The following LDHC variants were observed in gnomAD, a reference collection of about 807,000 sequenced individuals.
LDHC encodes lactate dehydrogenase C.
A neutral mutation model predicts 30.2 loss-of-function variants in LDHC; 20 were observed. The ratio of observed to expected loss-of-function variants is 0.66; its 90% confidence interval spans 0.47 to 0.96. The LOEUF is 0.96. Among genes scored for constraint, LDHC ranks in the 40% least tolerant of loss-of-function variants. LDHC has a pLI of 0.00. For synonymous variants in LDHC, 139 were observed against 132.7 expected (o/e 1.05, Z -0.32); for missense variants, 362 against 394.9 (o/e 0.92, Z 0.71).
At chr11:18,448,048 CAAA>C (rs1218910663) in intron 7 of LDHC, among the ~76,000 whole-genome samples, 14,470 of 76,262 alleles carry the variant, frequency 0.19, 614 homozygotes, top group Middle Eastern at 0.3. Context: ...GACTCTGTCT[CAAA>C]AAAAAAAAAA....
At chr11:18,430,757 T>C (rs564248891) in intron 4 of LDHC, among the ~76,000 whole-genome samples, 59 of 152,342 alleles carry the variant, frequency 3.9e-4, no homozygotes, top group Non-Finnish European at 8.1e-4. Context: ...GAAACTAACA[T>C]CATAATTTGT....
At chr11:18,420,747 A>G (rs1482603836) in intron 3 of LDHC, among the ~76,000 whole-genome samples, 3 of 151,754 alleles carry the variant, frequency 2.0e-5, no homozygotes, top group East Asian at 3.9e-4. Flanking sequence ...AAAAGTATAT[A>G]TATCAGGCAA....
At chr11:18,447,394 C>T (rs898501179) in intron 7 of LDHC, among the ~76,000 whole-genome samples, 1 of 152,122 alleles carries the variant, frequency 6.6e-6, no homozygotes, top group African/African-American at 2.4e-5. Flanking sequence ...CTCAGCCTCC[C>T]AAATTGCTGG....
intron 6 of LDHC, among the ~76,000 whole-genome samples, chr11:18,444,701 G>A (rs984662972): frequency 3.5e-5 from 5 of 144,874 alleles, no homozygotes; most frequent in African/African-American, 1.2e-4. Context: ...GCTTTAAAAC[G>A]GGGTAGTTGT....
chr11:18,413,043 ACTT>A (rs757537102), intron 2 of LDHC, among the ~76,000 whole-genome samples, 200 bp downstream of exon 2: 24 of 123,072 alleles, frequency 2.0e-4, no homozygotes, highest in Admixed American at 8.8e-4. Flanking sequence ...TTTTTTTTAA[ACTT>A]CTTCTTTCTT....
chr11:18,450,578 G>C (rs988239708), intron 7 of LDHC: 1 of 166,342 alleles, frequency 6.0e-6, no homozygotes, highest in Admixed American at 6.5e-5. Flanking sequence ...GTCACCTCCT[G>C]CTTCACTGTT....
intron 4 of LDHC, among the ~76,000 whole-genome samples, chr11:18,430,266 A>G (rs2134058849): frequency 6.6e-6 from 1 of 152,152 alleles, no homozygotes; most frequent in African/African-American, 2.4e-5. Context: ...CATATTAGTG[A>G]GTGTATCATA....
intron 2 of LDHC, among the ~76,000 whole-genome samples, chr11:18,413,459 CTTTTTTTTTT>C (rs34176196): frequency 1.3e-5 from 1 of 77,086 alleles, no homozygotes; most frequent in African/African-American, 5.1e-5. Context: ...ATTGTTCTCT[CTTTTTTTTTT>C]TTTTTTTTTT....
intron 7 of LDHC, 52 bp downstream of exon 7, chr11:18,446,385 G>T (rs761174494): frequency 2.3e-6 from 3 of 1,287,040 alleles, no homozygotes; most frequent in African/African-American, 1.5e-5. Context: ...ATATTTATTG[G>T]GTCACTACTA....
At chr11:18,438,090 A>G (rs1848389552) in intron 5 of LDHC, among the ~76,000 whole-genome samples, 1 of 152,148 alleles carries the variant, frequency 6.6e-6, no homozygotes, top group Non-Finnish European at 1.5e-5. Flanking sequence ...TGAGTAATTT[A>G]TAAAGAAAAG....
chr11:18,441,611 A>AAGAT (rs1429896167), intron 6 of LDHC, among the ~76,000 whole-genome samples: 1 of 148,060 alleles, frequency 6.8e-6, no homozygotes, highest in Non-Finnish European at 1.5e-5. Context: ...GGCCCTTTAG[A>AAGAT]AGATATTTCA....
chr11:18,432,464 T>C (rs978438076), intron 4 of LDHC, among the ~76,000 whole-genome samples: 4 of 152,232 alleles, frequency 2.6e-5, no homozygotes, highest in African/African-American at 9.6e-5. Context: ...GTTGTGTATA[T>C]ATCTGTTAAA....
rs764491463 is a variant in LDHC at position 18,415,340 on chromosome 11, TA to T, written c.244+45del. ...TTATAAAGTTATTTTCAAAGCTTTT[TA>T]AAAAAGTAATAAATTTTACCAAACA... On this transcript the variant is annotated intron_variant, in intron 3 of 7. Transcript: ENST00000541669. The T allele has an allele frequency of 2.8e-6, 3 of 1,060,702 alleles. No homozygotes were observed. In the African/African-American group the frequency reaches 4.8e-5, roughly 17 times the overall value. 65.7% of individuals were successfully genotyped at this position (1,060,702 alleles called of 1,614,324 possible).
intron 4 of LDHC, among the ~76,000 whole-genome samples, chr11:18,430,644 G>A (rs1459317743): frequency 1.3e-5 from 2 of 152,246 alleles, no homozygotes; most frequent in East Asian, 3.9e-4. Context: ...TTACAGATGT[G>A]AGCCACTGCA....
chr11:18,421,604 C>T (rs910527063), intron 3 of LDHC, among the ~76,000 whole-genome samples: 3 of 151,452 alleles, frequency 2.0e-5, no homozygotes, highest in East Asian at 2.0e-4. Flanking sequence ...ACCTGGGAGA[C>T]GGAGGTGGCA....
At chr11:18,438,451 TA>T in intron 5 of LDHC, 76 bp from the exon 6 acceptor site, 5 of 941,210 alleles carry the variant, frequency 5.3e-6, no homozygotes, top group Non-Finnish European at 8.5e-6. Flanking sequence ...CAACTTAACT[TA>T]AAAAAACAAC....
At chr11:18,422,129 A>T (rs1848072759) in intron 3 of LDHC, among the ~76,000 whole-genome samples, 1 of 152,122 alleles carries the variant, frequency 6.6e-6, no homozygotes, top group Non-Finnish European at 1.5e-5. Flanking sequence ...ATACAAAAAA[A>T]CAAAAAAATT....
chr11:18,434,408 T>C (rs1848321545), intron 4 of LDHC, among the ~76,000 whole-genome samples: 2 of 152,076 alleles, frequency 1.3e-5, no homozygotes, highest in Admixed American at 6.6e-5. Flanking sequence ...ATTACCAAAG[T>C]TGGTTTTCTG....
At chr11:18,446,521 C>A (rs1245783858) in intron 7 of LDHC, among the ~76,000 whole-genome samples, 188 bp downstream of exon 7, 2 of 152,178 alleles carry the variant, frequency 1.3e-5, no homozygotes, top group African/African-American at 2.4e-5. Context: ...TGAAAGAGAA[C>A]CAGGTTTGAA....
Sources: allele counts gnomAD v4.1 joint callset (sites outside exome capture counted in the v4.1 genomes callset), GRCh38; gene constraint gnomAD v4.1.1; transcripts MANE v1.5; gene names NCBI Gene and HGNC (gene_info 2026-07-23, HGNC 2026-07-21).